The following CLIP2 variants were observed in gnomAD, a reference collection of about 807,000 sequenced individuals.
CLIP2 encodes the protein CAP-Gly domain-containing linker protein 2.
Under a neutral mutation model 111.7 loss-of-function variants are expected in CLIP2, and 41 were observed. That is an observed-to-expected ratio of 0.37 (90% CI 0.29 to 0.48). CLIP2 has a LOEUF of 0.48. CLIP2 is among the 20% of genes least tolerant of loss of function. The pLI, the probability that CLIP2 is intolerant of heterozygous loss-of-function variation, is 0.99. For synonymous variants in CLIP2, 660 were observed against 644.2 expected, an observed-to-expected ratio of 1.02 and a Z score of -0.37; for missense variants, 1,160 against 1,422.1, an observed-to-expected ratio of 0.82 and a Z score of 2.96.
intron 13 of CLIP2, 122 bp downstream of exon 13, chr7:74,389,381 G>C: frequency 1.1e-6 from 1 of 915,026 alleles, no homozygotes; most frequent in East Asian, 2.8e-5. Context: ...CCAGGTGGCC[G>C]ATCTCGAGCG....
intron 11 of CLIP2, among the ~76,000 whole-genome samples, chr7:74,382,113 C>T (rs1258952347): frequency 2.0e-5 from 3 of 151,430 alleles, no homozygotes; most frequent in Non-Finnish European, 4.4e-5. Context: ...GACGGAGTTT[C>T]ACCCTTGTTG....
chr7:74,343,413 G>T (rs1397846191), intron 3 of CLIP2, among the ~76,000 whole-genome samples: 1 of 152,098 alleles, frequency 6.6e-6, no homozygotes, highest in Non-Finnish European at 1.5e-5. Context: ...GGGTCTGTGG[G>T]CACCTACTGG....
At position 74,397,243 on chromosome 7, in the gene CLIP2, G is replaced by A. The variant is rs1554316846; in HGVS notation, c.2880+10G>A. 2 of 1,612,574 alleles carry A rather than the reference G, an allele frequency of 1.2e-6. No individual in the cohort carries two copies. Among genetic ancestry groups the A allele is most frequent in the Non-Finnish European group, 1.7e-6 (2 of 1,179,266 alleles). ...AAAGCTGACCGGGCTGGTATGTGGG[G>A]TAGGGGTGGCCTAGGGGCAGGGGCA... On this transcript the variant is annotated intron_variant, in intron 14 of 16. Transcript: ENST00000223398.
At chr7:74,324,400 A>G (rs1439743166) in intron 2 of CLIP2, among the ~76,000 whole-genome samples, 1 of 152,166 alleles carries the variant, frequency 6.6e-6, no homozygotes, top group African/African-American at 2.4e-5. Context: ...TGTCATCTGA[A>G]TGGTTCCCTG....
At chr7:74,341,268 A>G (rs1266807393) in intron 3 of CLIP2, among the ~76,000 whole-genome samples, 1 of 151,380 alleles carries the variant, frequency 6.6e-6, no homozygotes, top group Admixed American at 6.6e-5. Context: ...GCTCACTGCA[A>G]CCTCCACCTC....
intron 13 of CLIP2, among the ~76,000 whole-genome samples, chr7:74,390,942 G>A (rs139242318): frequency 0.028 from 4,274 of 151,722 alleles, 93 homozygotes; most frequent in Non-Finnish European, 0.041. Context: ...CCAGCTACTC[G>A]GGAGGCTGAG....
At chr7:74,300,332 A>G (rs781909354) in intron 1 of CLIP2, among the ~76,000 whole-genome samples, 6 of 151,192 alleles carry the variant, frequency 4.0e-5, no homozygotes, top group Non-Finnish European at 5.9e-5. Context: ...TCCCCTCTGT[A>G]TTTTCATGTA....
Position 74,376,044 on chromosome 7 carries a change from G to T in CLIP2, c.1643G>T (p.Arg548Leu). Residue 548 changes from arginine (R) to leucine (L), a missense_variant, in exon 10 of 17, where the codon CGG becomes CTG. By Grantham distance (102) the Arg-to-Leu change is moderately radical. Transcript: ENST00000223398. This position sits in a 1 kb window ranked among gnomAD's most constrained non-coding sequence, Gnocchi z 7.1. ...DAAEILRLRE[R>L]LLSASKEHQR... ...GCCGAGATCCTGCGGCTACGGGAGC[G>T]GCTGCTCTCGGCCAGCAAGGAACAC... 4 of 1,612,726 alleles carry T rather than the reference G, an allele frequency of 2.5e-6. No individual in the cohort carries two copies. Among genetic ancestry groups the T allele is most frequent in the Non-Finnish European group, 3.4e-6 (4 of 1,179,890 alleles).
chr7:74,330,400 G>A (rs1789247253), intron 2 of CLIP2, among the ~76,000 whole-genome samples: 1 of 151,658 alleles, frequency 6.6e-6, no homozygotes, highest in Admixed American at 6.6e-5. Context: ...GGGATTACAG[G>A]TATGCGCCAC....
chr7:74,357,550 G>T (rs1430071965), intron 6 of CLIP2, 73 bp downstream of exon 6: 1 of 1,389,076 alleles, frequency 7.2e-7, no homozygotes, highest in Non-Finnish European at 1.0e-6. Flanking sequence ...TCAGAGCGGA[G>T]ACCCTGGAGG....
At chr7:74,381,702 A>G (rs1179426405) in intron 11 of CLIP2, 2 of 448,726 alleles carry the variant, frequency 4.5e-6, no homozygotes, top group Admixed American at 4.8e-5. Flanking sequence ...ATTCCATTTA[A>G]CAATGTATCT....
chr7:74,376,313 G>C lies in CLIP2; in HGVS notation c.1912G>C (p.Gly638Arg). The C allele has an allele frequency of 3.1e-6, 5 of 1,613,910 alleles. No homozygotes were observed. The highest frequency in any genetic ancestry group is 4.2e-6 in the Non-Finnish European group (5 of 1,180,012). Residue 638 changes from glycine (G) to arginine (R), a missense_variant, in exon 10 of 17, where the codon GGC (glycine) becomes CGC (arginine). By Grantham distance (125) the Gly-to-Arg change is moderately radical (BLOSUM62 -2). Transcript: ENST00000223398. This position sits in a 1 kb window ranked among gnomAD's most constrained non-coding sequence, Gnocchi z 7.1. The part of the protein sequence containing the change: ...LEDLKATLNS[G>R]PGAQQKEIGE... ...GGACCTCAAAGCCACCCTGAACTCGGGCCCAGGCGCCCAGCAGAAGGAGAT... is the reference window on the plus strand; with the variant it reads ...GGACCTCAAAGCCACCCTGAACTCGCGCCCAGGCGCCCAGCAGAAGGAGAT...
intron 10 of CLIP2, among the ~76,000 whole-genome samples, chr7:74,379,871 C>T (rs559205260): frequency 8.0e-4 from 122 of 152,054 alleles, no homozygotes; most frequent in Non-Finnish European, 1.5e-3. Flanking sequence ...CGCTTGAACC[C>T]GGGAGGTGGA....
chr7:74,400,600 C>A, intron 15 of CLIP2, 45 bp downstream of exon 15: 1 of 1,483,864 alleles, frequency 6.7e-7, no homozygotes, highest in Non-Finnish European at 9.0e-7. Flanking sequence ...AGCCACGGGG[C>A]AGTGTCCTCG....
At position 74,361,327 on chromosome 7, in the gene CLIP2, C is replaced by T. The variant is rs375493504; in HGVS notation, c.1319+1049C>T. On this transcript the variant is annotated intron_variant, in intron 7 of 16. Coordinates refer to ENST00000223398, the MANE Select transcript of CLIP2 (RefSeq NM_003388.5). ...CCACCTCCCAGGTTCAAGCAATTCT[C>T]CTCCCTCAGCCTCCCGAGTAGCTGG... Among the ~76,000 whole-genome samples, 14 of 151,398 alleles carry T rather than the reference C, an allele frequency of 9.2e-5. No individual in the cohort carries two copies. The East Asian group carries it at 1.4e-3, about 15-fold the overall frequency.
At chr7:74,364,992 G>GT (rs1462154215) in intron 8 of CLIP2, 5 of 307,570 alleles carry the variant, frequency 1.6e-5, no homozygotes, top group African/African-American at 1.2e-4. Flanking sequence ...CCTGTTTTTT[G>GT]TTGTGTGTGT....
chr7:74,365,541 A>C (rs565479663), intron 8 of CLIP2, among the ~76,000 whole-genome samples: 2 of 152,186 alleles, frequency 1.3e-5, no homozygotes, highest in Non-Finnish European at 2.9e-5. Context: ...GGGATAGCCA[A>C]TGGGCTGGCT....
At chr7:74,400,292 T>C in intron 14 of CLIP2, 78 bp from the exon 15 acceptor site, 1 of 1,281,622 alleles carries the variant, frequency 7.8e-7, no homozygotes, top group Non-Finnish European at 1.1e-6. Context: ...GCTGGAAGAC[T>C]TTCCTGCCTA....
At chr7:74,327,219 C>T (rs1481610066) in intron 2 of CLIP2, among the ~76,000 whole-genome samples, 1 of 152,164 alleles carries the variant, frequency 6.6e-6, no homozygotes, top group Non-Finnish European at 1.5e-5. Flanking sequence ...TCTTCTGCCT[C>T]AGCCTCCCAA....
Sources: gnomAD v4.1 joint callset for allele counts (sites outside exome capture counted in the v4.1 genomes callset) on GRCh38, gnomAD v4.1.1 for gene constraint, Gnocchi (gnomAD v3.1) non-coding constraint, MANE v1.5 for transcripts, NCBI Gene and HGNC (gene_info 2026-07-23, HGNC 2026-07-21) for gene names.